The following PRR4 variants were observed in gnomAD, a reference collection of about 807,000 sequenced individuals.
The protein encoded by PRR4 is proline rich 4.
Under a neutral mutation model 7.6 loss-of-function variants are expected in PRR4, and 7 were observed. The observed-to-expected ratio is 0.92, with a 90% CI of 0.52 to 1.73. The LOEUF is 1.73. Ranked by LOEUF, PRR4 falls within the 40% of genes most tolerant of loss-of-function variation. The probability of loss-of-function intolerance (pLI) is 0.00; values close to 1 mark genes in which losing one functional copy is unlikely to be tolerated. For missense variants in PRR4, 187 were observed against 161.0 expected, an observed-to-expected ratio of 1.16 and a Z score of -0.87; for synonymous variants, 64 against 58.5, an observed-to-expected ratio of 1.09 and a Z score of -0.43.
chr12:10,847,495 T>A, intron 2 of PRR4, 128 bp from the exon 3 acceptor site: 1 of 591,868 alleles, frequency 1.7e-6, no homozygotes, highest in Non-Finnish European at 2.6e-6. Flanking sequence ...GTCAACTTCT[T>A]TTGTGCCCAC....
At chr12:10,848,324 A>G in intron 2 of PRR4, 48 bp downstream of exon 2, 1 of 1,554,372 alleles carries the variant, frequency 6.4e-7, no homozygotes, top group South Asian at 1.2e-5. Context: ...AAGAAATTCT[A>G]GTGGAAAAAG....
chr12:10,847,421 CCT>C, intron 2 of PRR4, 54 bp from the exon 3 acceptor site: 1 of 1,355,808 alleles, frequency 7.4e-7, no homozygotes, highest in Non-Finnish European at 9.9e-7. Context: ...GAAAAACTCT[CCT>C]CTCTTTATAC....
intron 3 of PRR4, among the ~76,000 whole-genome samples, chr12:10,846,625 G>A (rs1360456403): frequency 6.6e-6 from 1 of 152,030 alleles, no homozygotes; most frequent in Non-Finnish European, 1.5e-5. Flanking sequence ...CATTTAGCAG[G>A]GACACTGGAC....
In PRR4 at chr12:10,847,371, T is replaced by C. The variant is rs758063621; in HGVS notation, c.101-4A>G. On this transcript the variant is annotated splice_polypyrimidine_tract_variant and splice_region_variant and intron_variant, in intron 2 of 3. Transcript: ENST00000228811. ...CTCTGACTTGAGTCCTCTACATCTG[T>C]GTGAGTAATTAATGGACAAGAATGC... 2.0e-5 allele frequency: 29 copies of C among 1,486,434 alleles called. 1 individual carries two copies. The Admixed American group carries it at 3.6e-4, about 18-fold the overall frequency. The allele number at this position is 1,486,434 out of a possible 1,614,324, so 92.1% of individuals were successfully genotyped here.
chr12:10,848,262 T>C, intron 2 of PRR4, 110 bp downstream of exon 2: 1 of 1,094,024 alleles, frequency 9.1e-7, no homozygotes, highest in Non-Finnish European at 1.3e-6. Flanking sequence ...TGACCCCTCT[T>C]ACCACCTCCT....
At chr12:10,845,998 T>C in intron 3 of PRR4, 48 bp from the exon 4 acceptor site, 3 of 1,199,946 alleles carry the variant, frequency 2.5e-6, no homozygotes, top group Middle Eastern at 2.0e-4. Context: ...ACATACAACA[T>C]GGCAAAACTT....
Position 10,847,334 on chromosome 12 carries a change from C to T in PRR4, c.134G>A (p.Gly45Glu). 6.4e-7 allele frequency: 1 copy of T among 1,561,016 alleles called. No individual in the cohort carries two copies. Among genetic ancestry groups the T allele is most frequent in the East Asian group, 2.3e-5 (1 of 44,152 alleles). ...VEDSSQRPDQ[G>E]PQRPPPEGLL... ...TCCTTCAGGAGGAGGTCTCTGGGGT[C>T]CCTGATCTGGTCTCTGACTTGAGTC... Residue 45 changes from glycine to glutamate, a missense_variant, in exon 3 of 4, where the codon GGA becomes GAA. Coordinates refer to ENST00000228811, the MANE Select transcript of PRR4 (RefSeq NM_007244.3).
chr12:10,846,664 G>A (rs1173159622), intron 3 of PRR4, among the ~76,000 whole-genome samples: 1 of 152,206 alleles, frequency 6.6e-6, no homozygotes, highest in African/African-American at 2.4e-5. Context: ...GCAGGACTGA[G>A]CAAAGAGTCC....
In PRR4 at chr12:10,847,081, C is replaced by T; in HGVS notation, c.387G>A (p.Gln129=). 1 of 1,596,160 alleles carries T rather than the reference C, an allele frequency of 6.3e-7. No homozygotes were observed. Among genetic ancestry groups the T allele is most frequent in the South Asian group, 1.1e-5 (1 of 88,116 alleles). The change falls in exon 3 of 4, where the codon CAG becomes CAA. Residue 129 remains glutamine, a synonymous_variant. Coordinates refer to ENST00000228811, the MANE Select transcript of PRR4 (RefSeq NM_007244.3). ...FQRDRPARHP[Q]EQPLW The stretch of plus-strand genomic sequence containing the variant: ...TTCTAGATTACCAGAGTGGTTGCTC[C>T]TGGGGATGTCTTGCTGGTCTGTCCC...
intron 2 of PRR4, 89 bp from the exon 3 acceptor site, chr12:10,847,456 C>T (rs1260498784): frequency 1.0e-6 from 1 of 1,002,616 alleles, no homozygotes; most frequent in Non-Finnish European, 1.4e-6. Flanking sequence ...ACCACACAGC[C>T]CTGTTCTCCC....
chr12:10,848,201 G>A (rs1949047039), intron 2 of PRR4, among the ~76,000 whole-genome samples, 171 bp downstream of exon 2: 1 of 152,130 alleles, frequency 6.6e-6, no homozygotes, highest in Non-Finnish European at 1.5e-5. Context: ...CAGAATCAAA[G>A]ATGGGTAAGA....
intron 2 of PRR4, 108 bp downstream of exon 2, chr12:10,848,264 C>T: frequency 8.9e-7 from 1 of 1,119,896 alleles, no homozygotes; most frequent in Non-Finnish European, 1.3e-6. Context: ...ACCCCTCTTA[C>T]CACCTCCTCC....
intron 3 of PRR4, among the ~76,000 whole-genome samples, chr12:10,846,366 T>A (rs1949016923): frequency 6.6e-6 from 1 of 152,156 alleles, no homozygotes; most frequent in Non-Finnish European, 1.5e-5. Context: ...GCATATAAAA[T>A]AATATGTCAT....
chr12:10,847,839 A>G (rs1485282066), intron 2 of PRR4, among the ~76,000 whole-genome samples: 1 of 152,200 alleles, frequency 6.6e-6, no homozygotes, highest in African/African-American at 2.4e-5. Context: ...GAGAAATACT[A>G]AGAGACAGAA....
At chr12:10,846,735 C>G (rs1016866914) in intron 3 of PRR4, among the ~76,000 whole-genome samples, 7 of 152,050 alleles carry the variant, frequency 4.6e-5, no homozygotes, top group South Asian at 2.1e-4. Context: ...AAGGCAGACT[C>G]AAAGACAGGA....
intron 3 of PRR4, among the ~76,000 whole-genome samples, chr12:10,846,154 A>G (rs560988839): frequency 6.6e-6 from 1 of 152,342 alleles, no homozygotes; most frequent in Admixed American, 6.5e-5. Context: ...AACCTGTAGT[A>G]GTGAAAAACT....
In PRR4 at chr12:10,847,117, T is replaced by C. The variant is rs1246791260; in HGVS notation, c.351A>G (p.Ser117=). The C allele has an allele frequency of 5.6e-6, 9 of 1,612,794 alleles. No homozygotes were observed. The highest frequency in any genetic ancestry group is 7.6e-6 in the Non-Finnish European group (9 of 1,179,232). Residue 117 remains serine, a synonymous_variant, in exon 3 of 4, where the codon TCA becomes TCG. Transcript: ENST00000228811. ...FPSVSLQEAS[S]FFQRDRPARH... Reference sequence around the variant, plus strand: ...TTGCTGGTCTGTCCCTCTGGAAGAATGATGATGCTTCCTGCAGGCTGACAG... The same window carrying C: ...TTGCTGGTCTGTCCCTCTGGAAGAACGATGATGCTTCCTGCAGGCTGACAG...
Position 10,847,106 on chromosome 12 carries a change from C to T in PRR4, c.362G>A (p.Arg121Lys). 2 of 1,610,350 alleles carry T rather than the reference C, an allele frequency of 1.2e-6. No individual in the cohort carries two copies. The highest frequency in any genetic ancestry group is 8.5e-7 in the Non-Finnish European group (1 of 1,177,844). ...CTGGGGATGTCTTGCTGGTCTGTCC[C>T]TCTGGAAGAATGATGATGCTTCCTG... is the stretch of plus-strand genomic sequence containing the variant. ...SLQEASSFFQRDRPARHPQEQ... is the reference protein window; with the variant it reads ...SLQEASSFFQKDRPARHPQEQ... The change falls in exon 3 of 4, where the codon AGG becomes AAG. Residue 121 changes from arginine (R) to lysine (K), a missense_variant. By Grantham distance (26) the Arg-to-Lys change is conservative (BLOSUM62 2). Transcript: ENST00000228811.
chr12:10,847,537 C>G (rs1949036628), intron 2 of PRR4, among the ~76,000 whole-genome samples, 170 bp from the exon 3 acceptor site: 1 of 150,696 alleles, frequency 6.6e-6, no homozygotes, highest in African/African-American at 2.4e-5. Flanking sequence ...CAGCTCTCAA[C>G]TTAATCCATG....
Sources: allele counts gnomAD v4.1 joint callset (sites outside exome capture counted in the v4.1 genomes callset), GRCh38; gene constraint gnomAD v4.1.1; transcripts MANE v1.5; gene names NCBI Gene and HGNC (gene_info 2026-07-23, HGNC 2026-07-21).